The following CREB1 variants were observed in gnomAD, a reference collection of about 807,000 sequenced individuals.
The protein encoded by CREB1 is cyclic AMP-responsive element-binding protein 1.
In CREB1, 2 loss-of-function variants were observed where a neutral mutation model predicts 42.0. The ratio of observed to expected loss-of-function variants is 0.05; its 90% CI spans 0.02 to 0.15. CREB1 has a LOEUF of 0.15. CREB1 is among the 10% of genes least tolerant of loss of function. The probability of loss-of-function intolerance (pLI) is 1.00; values close to 1 mark genes in which losing one functional copy is unlikely to be tolerated. For synonymous variants in CREB1, 123 were observed against 139.9 expected (o/e 0.88, Z 0.85); for missense variants, 199 against 388.9 (o/e 0.51, Z 4.11).
intron 1 of CREB1, among the ~76,000 whole-genome samples, chr2:207,549,015 T>G (rs2106413475): frequency 6.6e-6 from 1 of 152,330 alleles, no homozygotes; most frequent in Middle Eastern, 3.4e-3. Flanking sequence ...TTGTTCTCTG[T>G]TAAAAGCAGA....
intron 1 of CREB1, chr2:207,550,277 G>A (rs2081453493): frequency 6.6e-6 from 1 of 150,536 alleles, no homozygotes; most frequent in Non-Finnish European, 1.5e-5. Context: ...AGGAGGAGTT[G>A]CCCACTTGTT....
rs561020582 is a variant in CREB1 at position 207,601,412 on chromosome 2, C to A, written c.*4354C>A. On this transcript the variant is annotated 3_prime_UTR_variant, in exon 8 of 8. Coordinates refer to ENST00000353267, the MANE Select transcript of CREB1 (RefSeq NM_004379.5). Reference sequence around the variant, plus strand: ...AAATATTTTAGCACCTAAAAGCTAGCCTTAAAAACAGCTGTAAAAGAAAAA... The same window carrying A: ...AAATATTTTAGCACCTAAAAGCTAGACTTAAAAACAGCTGTAAAAGAAAAA... The A allele has an allele frequency of 1.1e-5, 2 of 187,926 alleles. No individual in the cohort carries two copies. The highest frequency in any genetic ancestry group is 2.2e-5 in the Non-Finnish European group (2 of 89,260). 11.6% of individuals were successfully genotyped at this position (187,926 alleles called of 1,614,324 possible).
At chr2:207,579,130 T>C (rs1001553983) in intron 7 of CREB1, among the ~76,000 whole-genome samples, 4 of 152,162 alleles carry the variant, frequency 2.6e-5, no homozygotes, top group Admixed American at 2.6e-4. Flanking sequence ...TGATTTTGAG[T>C]ATTTAAGTTT....
At chr2:207,539,570 T>A (rs1189769139) in intron 1 of CREB1, among the ~76,000 whole-genome samples, 2 of 152,182 alleles carry the variant, frequency 1.3e-5, no homozygotes. Context: ...AAATGAAGAT[T>A]GTTCTAGTTG....
intron 7 of CREB1, among the ~76,000 whole-genome samples, chr2:207,590,323 G>C (rs554414366): frequency 2.0e-5 from 3 of 151,396 alleles, no homozygotes; most frequent in African/African-American, 4.8e-5. Context: ...CTCTCTCTCT[G>C]TATTCGCCAC....
chr2:207,542,607 G>T (rs989299460), intron 1 of CREB1, among the ~76,000 whole-genome samples: 2 of 152,042 alleles, frequency 1.3e-5, no homozygotes, highest in Admixed American at 1.3e-4. Context: ...CCTGTGGGTT[G>T]TCTTCACTTT....
chr2:207,594,991 CTTTT>C (rs751274446), intron 7 of CREB1, among the ~76,000 whole-genome samples: 1 of 118,820 alleles, frequency 8.4e-6, no homozygotes, highest in African/African-American at 3.1e-5. Flanking sequence ...TGTTGAGCAT[CTTTT>C]TTTTTTTTTT....
At chr2:207,563,789 C>G (rs2082039439) in intron 3 of CREB1, among the ~76,000 whole-genome samples, 1 of 152,012 alleles carries the variant, frequency 6.6e-6, no homozygotes, top group Non-Finnish European at 1.5e-5. Context: ...ACTAAAAATG[C>G]AAAAATTAGC....
chr2:207,562,750 A>G (rs1209478524), intron 3 of CREB1, among the ~76,000 whole-genome samples: 1 of 152,238 alleles, frequency 6.6e-6, no homozygotes, highest in Non-Finnish European at 1.5e-5. Flanking sequence ...GAGATGATCA[A>G]ACAAGGAGAG....
intron 1 of CREB1, among the ~76,000 whole-genome samples, chr2:207,533,017 C>T (rs765862257): frequency 6.6e-6 from 1 of 151,872 alleles, no homozygotes; most frequent in African/African-American, 2.4e-5. Context: ...TCACCTGGAA[C>T]ATGTTACTAA....
chr2:207,551,748 G>A (rs939482219), intron 1 of CREB1, among the ~76,000 whole-genome samples: 2 of 152,004 alleles, frequency 1.3e-5, no homozygotes, highest in African/African-American at 4.8e-5. Flanking sequence ...TTTAAACTTA[G>A]AAGACATTTT....
intron 1 of CREB1, among the ~76,000 whole-genome samples, chr2:207,532,543 C>A (rs915636054): frequency 3.3e-5 from 5 of 151,090 alleles, no homozygotes; most frequent in African/African-American, 1.2e-4. Flanking sequence ...TGTCGTGGCG[C>A]GTGCTTGTAA....
At chr2:207,593,193 C>T (rs1008001320) in intron 7 of CREB1, among the ~76,000 whole-genome samples, 3 of 152,156 alleles carry the variant, frequency 2.0e-5, no homozygotes, top group African/African-American at 7.2e-5. Context: ...TGTTATCCAC[C>T]ATTCCTATTA....
At chr2:207,558,620 T>C (rs1303331721) in intron 2 of CREB1, among the ~76,000 whole-genome samples, 8 of 151,730 alleles carry the variant, frequency 5.3e-5, no homozygotes, top group African/African-American at 1.9e-4. Context: ...GAAATATATA[T>C]CTTTCACACT....
At chr2:207,537,401 G>C (rs185337509) in intron 1 of CREB1, among the ~76,000 whole-genome samples, 1 of 152,264 alleles carries the variant, frequency 6.6e-6, no homozygotes, top group East Asian at 1.9e-4. Flanking sequence ...AATCTGTAAA[G>C]GCAGAACGTT....
intron 7 of CREB1, chr2:207,577,887 C>T (rs1559051752): frequency 2.0e-6 from 1 of 490,600 alleles, no homozygotes; most frequent in African/African-American, 2.0e-5. Context: ...CATGCAGTTT[C>T]CCCACAGGAG....
rs1025963495 is a variant in CREB1, at chr2:207,604,651, T to C, written c.*7593T>C. 6.6e-6 allele frequency among the ~76,000 whole-genome samples: 1 copy of C among 152,138 alleles called. No homozygotes were observed. Among genetic ancestry groups the C allele is most frequent in the South Asian group, 2.1e-4 (1 of 4,822 alleles). On this transcript the variant is annotated 3_prime_UTR_variant, in exon 8 of 8. Coordinates refer to ENST00000353267, the MANE Select transcript of CREB1 (RefSeq NM_004379.5). ...TTTTAAGTGAACAATTAAGTGGTAG[T>C]ACATCCACAATGGTGTACAACCACC...
At chr2:207,562,015 A>C (rs531046065) in intron 3 of CREB1, among the ~76,000 whole-genome samples, 1 of 152,312 alleles carries the variant, frequency 6.6e-6, no homozygotes, top group Admixed American at 6.5e-5. Context: ...GGCATTTGTT[A>C]ACAAGTAAAA....
chr2:207,585,551 C>T (rs1027773906), intron 7 of CREB1, among the ~76,000 whole-genome samples: 1 of 152,106 alleles, frequency 6.6e-6, no homozygotes, highest in Non-Finnish European at 1.5e-5. Flanking sequence ...TCCAAAGGAA[C>T]ACAATAATTT....
Sources: allele counts gnomAD v4.1 joint callset (sites outside exome capture counted in the v4.1 genomes callset), GRCh38; gene constraint gnomAD v4.1.1; transcripts MANE v1.5; gene names NCBI Gene and HGNC (gene_info 2026-07-23, HGNC 2026-07-21).